OAS2: variants seen among roughly 807,000 people sequenced by gnomAD.
OAS2 encodes 2'-5'-oligoadenylate synthetase 2.
A neutral mutation model predicts 71.3 loss-of-function variants in OAS2; 67 were observed. That is an observed-to-expected ratio of 0.94 (90% CI 0.77 to 1.15). The LOEUF is 1.15. OAS2 is among the 50% of genes most tolerant of loss of function. OAS2 has a pLI of 0.00. For missense variants in OAS2, 789 were observed against 822.5 expected, an observed-to-expected ratio of 0.96 and a Z score of 0.50; for synonymous variants, 327 against 321.8, an observed-to-expected ratio of 1.02 and a Z score of -0.17.
intron 1 of OAS2, among the ~76,000 whole-genome samples, chr12:112,985,227 TC>T (rs77608143): frequency 0.16 from 24,321 of 152,204 alleles, 2,423 homozygotes; most frequent in East Asian, 0.41. Context: ...AGCTATTACT[TC>T]ATTAAATAGA....
intron 6 of OAS2, 99 bp downstream of exon 6, chr12:113,003,201 AC>A (rs2044305072): frequency 7.8e-7 from 1 of 1,277,304 alleles, no homozygotes; most frequent in African/African-American, 1.5e-5. Context: ...GGATCCATCT[AC>A]CTTCAGAAAC....
At chr12:113,007,684 G>T (rs1389271512) in intron 8 of OAS2, 21 bp from the exon 9 acceptor site, 4 of 1,603,094 alleles carry the variant, frequency 2.5e-6, no homozygotes, top group Non-Finnish European at 3.4e-6. Flanking sequence ...CAGTTCGTCT[G>T]ATGTTCCCAC....
At chr12:113,004,409 G>A (rs186121306) in intron 6 of OAS2, among the ~76,000 whole-genome samples, 9 of 152,304 alleles carry the variant, frequency 5.9e-5, no homozygotes, top group African/African-American at 9.6e-5. Flanking sequence ...GAAGGGAGAA[G>A]CCTTAATGGC....
intron 1 of OAS2, among the ~76,000 whole-genome samples, chr12:112,980,962 A>G (rs1593193158): frequency 6.6e-6 from 1 of 152,164 alleles, no homozygotes; most frequent in South Asian, 2.1e-4. Context: ...TTCCCTAGTG[A>G]TTAGTGATGT....
At chr12:113,005,349 T>G (rs1308623577) in intron 7 of OAS2, 127 bp downstream of exon 7, 2 of 878,118 alleles carry the variant, frequency 2.3e-6, no homozygotes, top group African/African-American at 1.7e-5. Context: ...CAAGTGGCAT[T>G]AGTCATGGCA....
chr12:113,004,863 T>C (rs779256441), intron 6 of OAS2, 71 bp from the exon 7 acceptor site: 1 of 1,518,500 alleles, frequency 6.6e-7, no homozygotes, highest in Non-Finnish European at 9.0e-7. Context: ...GCCCAACTGG[T>C]GCCAGCCCAC....
Position 113,006,567 on chromosome 12 carries a change from T to C in OAS2, c.1623T>C (p.Asp541=). The C allele has an allele frequency of 6.2e-7, 1 of 1,609,526 alleles. No homozygotes were observed. Among genetic ancestry groups the C allele is most frequent in the Non-Finnish European group, 8.5e-7 (1 of 1,176,504 alleles). ...GCTCCCGGCCCACCAAACTAAAGGA[T>C]TTAATTCGCCTGGTGAAGCACTGGT... is the stretch of plus-strand genomic sequence containing the variant. The part of the protein sequence containing the change: ...FIRSRPTKLK[D]LIRLVKHWYK... The change falls in exon 8 of 10, where the codon GAT becomes GAC. Residue 541 remains aspartate (D), a synonymous_variant. Transcript: ENST00000392583.
chr12:113,004,909 A>G (rs1252921523), intron 6 of OAS2, 25 bp from the exon 7 acceptor site: 14 of 1,609,278 alleles, frequency 8.7e-6, no homozygotes, highest in Admixed American at 1.7e-5. Flanking sequence ...GAAATTCTGG[A>G]TCTCAACCTT....
rs746266177 is a variant in OAS2, at chr12:113,010,533, G to A, written c.*1278G>A. On this transcript the variant is annotated 3_prime_UTR_variant, in exon 10 of 10. Transcript: ENST00000392583. ...AAGACTCGGCTCACCGTGAGAAAGA[G>A]TCACTCACATCCATTCTTCCCTTGA... is the stretch of plus-strand genomic sequence containing the variant. 5 of 1,599,746 alleles carry A rather than the reference G, an allele frequency of 3.1e-6. No individual in the cohort carries two copies. Among genetic ancestry groups the A allele is most frequent in the Non-Finnish European group, 4.3e-6 (5 of 1,175,778 alleles).
chr12:113,008,653 C>G (rs1002515332), intron 9 of OAS2, among the ~76,000 whole-genome samples: 1 of 152,068 alleles, frequency 6.6e-6, no homozygotes, highest in Non-Finnish European at 1.5e-5. Context: ...TGAGACAGAG[C>G]CTCACTCTGT....
chr12:112,984,064 A>G (rs1293770), intron 1 of OAS2, among the ~76,000 whole-genome samples: 24,316 of 152,120 alleles, frequency 0.16, 2,433 homozygotes, highest in East Asian at 0.41. Context: ...GACTAAGTCC[A>G]GTATTTCTTT....
chr12:113,005,979 AG>A (rs1434055387), intron 7 of OAS2, among the ~76,000 whole-genome samples: 1 of 146,192 alleles, frequency 6.8e-6, no homozygotes, highest in Non-Finnish European at 1.5e-5. Context: ...GATTTAGCCC[AG>A]GGGGCGGTAG....
At position 113,007,826 on chromosome 12, in the gene OAS2, G is replaced by C; in HGVS notation, c.1778G>C (p.Arg593Pro). The change falls in exon 9 of 10, where the codon CGG (arginine) becomes CCG (proline). Residue 593 changes from arginine to proline, a missense_variant. Physicochemically the swap from Arg to Pro is moderately radical, Grantham distance 103. Coordinates refer to ENST00000392583, the MANE Select transcript of OAS2 (RefSeq NM_002535.3). ...GATTTTGACACTGCAGAAGGTTTCCGGACAGTCCTGGAGCTGGTCACACAA... is the reference window on the plus strand; with the variant it reads ...GATTTTGACACTGCAGAAGGTTTCCCGACAGTCCTGGAGCTGGTCACACAA... ...VPDFDTAEGF[R>P]TVLELVTQYQ... is the part of the protein sequence containing the mutation. 1 of 1,614,116 alleles carries C rather than the reference G, an allele frequency of 6.2e-7. No homozygotes were observed. The highest frequency in any genetic ancestry group is 8.5e-7 in the Non-Finnish European group (1 of 1,180,002).
chr12:112,995,772 A>T (rs2044228165), intron 3 of OAS2, among the ~76,000 whole-genome samples: 1 of 152,082 alleles, frequency 6.6e-6, no homozygotes. Flanking sequence ...TACATACTTC[A>T]TGTCTGCCTT....
chr12:112,979,826 T>G (rs1198266240), intron 1 of OAS2, among the ~76,000 whole-genome samples: 1 of 152,022 alleles, frequency 6.6e-6, no homozygotes, highest in African/African-American at 2.4e-5. Context: ...CATAGACACG[T>G]TTTGCCTGTT....
rs760814450 is a variant in OAS2, at chr12:113,004,987, C to T, written c.1233C>T (p.Leu411=). 22 of 1,614,018 alleles carry T rather than the reference C, an allele frequency of 1.4e-5. No homozygotes were observed. The highest frequency in any genetic ancestry group is 1.6e-4 in the Middle Eastern group (1 of 6,084). The part of the protein sequence containing the change: ...TALKTGSDAD[L]VVFHNSLKSY... ...TGAAGACTGGCTCTGATGCCGATCT[C>T]GTCGTGTTCCATAACTCACTTAAAA... The change falls in exon 7 of 10, where the codon CTC becomes CTT. Residue 411 remains leucine, a synonymous_variant. Transcript: ENST00000392583.
At chr12:112,984,851 A>G (rs1485691822) in intron 1 of OAS2, among the ~76,000 whole-genome samples, 1 of 152,116 alleles carries the variant, frequency 6.6e-6, no homozygotes, top group East Asian at 1.9e-4. Context: ...AGTGGTGATG[A>G]ATTCCCTCTG....
Position 113,006,411 on chromosome 12 carries a change from A to G in OAS2, c.1469-2A>G, listed in dbSNP as rs754108850. The G allele has an allele frequency of 2.6e-6, 4 of 1,544,908 alleles. No homozygotes were observed. The highest frequency in any genetic ancestry group is 2.6e-6 in the Non-Finnish European group (3 of 1,132,528). ...AGGATGTCAATCTCTCCCTCATGCC[A>G]GGTCAGCTGAGTTCTGGCTCCACAC... On this transcript the variant is annotated splice_acceptor_variant, in intron 7 of 9. Transcript: ENST00000392583. LOFTEE classifies it high-confidence loss of function.
chr12:112,986,917 C>T (rs2044142455), intron 1 of OAS2, 121 bp from the exon 2 acceptor site: 1 of 1,310,220 alleles, frequency 7.6e-7, no homozygotes, highest in Non-Finnish European at 1.1e-6. Flanking sequence ...AAATGGATGC[C>T]TGCCACTCAA....
Sources: gnomAD v4.1 joint callset for allele counts (sites outside exome capture counted in the v4.1 genomes callset) on GRCh38, gnomAD v4.1.1 for gene constraint, MANE v1.5 for transcripts, NCBI Gene and HGNC (gene_info 2026-07-23, HGNC 2026-07-21) for gene names.